Variants in BORCS8 observed in about 807,000 individuals in gnomAD.
BORCS8 encodes the protein BLOC-1 related complex subunit 8, also known as BLOC-1-related complex subunit 8.
A neutral mutation model predicts 18.7 loss-of-function variants in BORCS8; 13 were observed. The ratio of observed to expected loss-of-function variants is 0.70; its 90% CI spans 0.45 to 1.11. The LOEUF (loss-of-function observed/expected upper bound fraction) is 1.11. Among genes scored for constraint, BORCS8 ranks in the 50% least tolerant of loss-of-function variants. The pLI is 0.00. For missense variants in BORCS8, 165 were observed against 165.7 expected, an observed-to-expected ratio of 1.00 and a Z score of 0.02; for synonymous variants, 68 against 64.8, an observed-to-expected ratio of 1.05 and a Z score of -0.24.
chr19:19,185,696 TA>T (rs904012605), intron 3 of BORCS8, among the ~76,000 whole-genome samples: 4 of 152,118 alleles, frequency 2.6e-5, no homozygotes, highest in African/African-American at 9.7e-5. Context: ...AAAAAAAATT[TA>T]AAAATAAACA....
chr19:19,182,383 C>G lies in BORCS8; in HGVS notation c.326+190G>C. ...GCCCAGGGCCAGGCACACAGCAGAGCGCAGGACCTCGGTATTAAGTGACTG... is the reference window on the plus strand; with the variant it reads ...GCCCAGGGCCAGGCACACAGCAGAGGGCAGGACCTCGGTATTAAGTGACTG... On this transcript the variant is annotated intron_variant, in intron 4 of 5. Coordinates refer to ENST00000462790, the MANE Select transcript of BORCS8 (RefSeq NM_001145784.2). The surrounding 1 kb of genome is among the most constrained non-coding windows in gnomAD (Gnocchi z 4.1). The G allele has an allele frequency of 4.3e-6, 6 of 1,385,052 alleles. No homozygotes were observed. Among genetic ancestry groups the G allele is most frequent in the Non-Finnish European group, 5.6e-6 (6 of 1,065,136 alleles). The allele number at this position is 1,385,052 out of a possible 1,614,324, so 85.8% of individuals were successfully genotyped here.
chr19:19,180,676 C>G lies in BORCS8; in HGVS notation c.*42+10G>C. The G allele has an allele frequency of 6.5e-7, 1 of 1,527,290 alleles. No homozygotes were observed. 94.6% of individuals were successfully genotyped at this position (1,527,290 alleles called of 1,614,324 possible). Reference sequence around the variant, plus strand: ...AGAGAGAGAGGCTCGTGGCTACCCTCGGCACTGACCTGGGTTGGCGGAGGC... The same window carrying G: ...AGAGAGAGAGGCTCGTGGCTACCCTGGGCACTGACCTGGGTTGGCGGAGGC... On this transcript the variant is annotated intron_variant, in intron 5 of 5. Transcript: ENST00000462790.
chr19:19,182,317 G>T lies in BORCS8; in HGVS notation c.326+256C>A. ...ACCTGGTTGTCGTATGTCTCCTTGT[G>T]AGCCTGTCTGTCTCGGTCACTGCTA... On this transcript the variant is annotated intron_variant, in intron 4 of 5. Coordinates refer to ENST00000462790, the MANE Select transcript of BORCS8 (RefSeq NM_001145784.2). The surrounding 1 kb of genome is among the most constrained non-coding windows in gnomAD (Gnocchi z 4.1). 1 of 870,674 alleles carries T rather than the reference G, an allele frequency of 1.1e-6. No individual in the cohort carries two copies. Among genetic ancestry groups the T allele is most frequent in the Non-Finnish European group, 1.5e-6 (1 of 647,448 alleles). 53.9% of individuals were successfully genotyped at this position (870,674 alleles called of 1,614,324 possible). A position where few individuals can be genotyped will look rare whatever the true frequency, so the allele number is the denominator to read the frequency against.
chr19:19,189,545 C>G (rs2146432480), intron 1 of BORCS8, among the ~76,000 whole-genome samples: 1 of 152,290 alleles, frequency 6.6e-6, no homozygotes, highest in East Asian at 1.9e-4. Context: ...GCCCTCCACC[C>G]CTGGCTCTTC....
rs2146415549 is a variant in BORCS8, at chr19:19,182,458, G to C, written c.326+115C>G. On this transcript the variant is annotated intron_variant, in intron 4 of 5. Transcript: ENST00000462790. This position sits in a 1 kb window ranked among gnomAD's most constrained non-coding sequence, Gnocchi z 4.1. ...ACAAGAGGAGGTCACCAGACACCAG[G>C]ACAAAAGGAAAGAGACAGTTTTCTA... 6.9e-7 allele frequency: 1 copy of C among 1,456,328 alleles called. No individual in the cohort carries two copies. The highest frequency in any genetic ancestry group is 1.4e-5 in the South Asian group (1 of 72,780). The allele number at this position is 1,456,328 out of a possible 1,614,324, so 90.2% of individuals were successfully genotyped here.
chr19:19,181,121 A>C (rs1172954253), intron 4 of BORCS8, among the ~76,000 whole-genome samples: 2 of 151,532 alleles, frequency 1.3e-5, no homozygotes, highest in Non-Finnish European at 2.9e-5. Context: ...CTTGGAACCC[A>C]GAGAGGGAGG....
chr19:19,185,638 A>G (rs1412440040), intron 3 of BORCS8, among the ~76,000 whole-genome samples: 2 of 152,204 alleles, frequency 1.3e-5, no homozygotes, highest in African/African-American at 4.8e-5. Context: ...GTGAACTGAG[A>G]TCATGCCACT....
intron 1 of BORCS8, among the ~76,000 whole-genome samples, chr19:19,190,898 C>T (rs976328669): frequency 1.1e-4 from 17 of 152,092 alleles, no homozygotes; most frequent in African/African-American, 4.1e-4. Flanking sequence ...TGGATTCAAC[C>T]AACCGTGGAT....
Position 19,182,646 on chromosome 19 carries a change from G to A in BORCS8, c.253C>T (p.Arg85Cys), listed in dbSNP as rs759539467. The stretch of plus-strand genomic sequence containing the variant: ...TGTTTGAGCAGACCCTCCACGCTGC[G>A]GAAGTAGACGCTGCTGTCCACCAGG... Reference protein sequence around the residue: ...KNLVDSSVYFRSVEGLLKQAI... With the variant: ...KNLVDSSVYFCSVEGLLKQAI... Residue 85 changes from arginine (R) to cysteine (C), a missense_variant, in exon 4 of 6, where the codon CGC becomes TGC. By Grantham distance (180) the Arg-to-Cys change is radical. Coordinates refer to ENST00000462790, the MANE Select transcript of BORCS8 (RefSeq NM_001145784.2). This position sits in a 1 kb window ranked among gnomAD's most constrained non-coding sequence, Gnocchi z 4.1. The A allele has an allele frequency of 1.3e-6, 2 of 1,551,200 alleles. No homozygotes were observed. Among genetic ancestry groups the A allele is most frequent in the South Asian group, 1.2e-5 (1 of 84,036 alleles).
Position 19,192,078 on chromosome 19 carries a change from C to G in BORCS8, c.37+3G>C, listed in dbSNP as rs1303751924. ...CTCTGTCCCGCCCGCAGGCCCGCAC[C>G]ACCTTTCTTCCCCTTGAGCTGCATC... On this transcript the variant is annotated splice_donor_region_variant and intron_variant, in intron 1 of 5. Coordinates refer to ENST00000462790, the MANE Select transcript of BORCS8 (RefSeq NM_001145784.2). The G allele has an allele frequency of 1.1e-5, 17 of 1,551,512 alleles. No homozygotes were observed. Among genetic ancestry groups the G allele is most frequent in the African/African-American group, 1.4e-5 (1 of 73,166 alleles).
In BORCS8 at chr19:19,186,973, G is replaced by A; in HGVS notation, c.70C>T (p.Leu24=). 1.3e-6 allele frequency: 2 copies of A among 1,551,426 alleles called. No individual in the cohort carries two copies. Among genetic ancestry groups the A allele is most frequent in the Non-Finnish European group, 1.7e-6 (2 of 1,146,902 alleles). The part of the protein sequence containing the change: ...TDKFTESVYV[L]ANEPSVALYR... ...AGGGCCACGGATGGCTCGTTGGCCA[G>A]GACGTAGACGCTCTCAGTGAACTTG... The change falls in exon 2 of 6, where the codon CTG becomes TTG. Residue 24 remains leucine, a synonymous_variant. Transcript: ENST00000462790.
chr19:19,182,445 C>T lies in BORCS8; in HGVS notation c.326+128G>A, dbSNP rs149862870. 1 of 1,444,630 alleles carries T rather than the reference C, an allele frequency of 6.9e-7. No individual in the cohort carries two copies. Among genetic ancestry groups the T allele is most frequent in the East Asian group, 2.5e-5 (1 of 39,420 alleles). 89.5% of individuals were successfully genotyped at this position (1,444,630 alleles called of 1,614,324 possible). A position where few individuals can be genotyped will look rare whatever the true frequency, so the allele number is the denominator to read the frequency against. On this transcript the variant is annotated intron_variant, in intron 4 of 5. Transcript: ENST00000462790. The surrounding 1 kb of genome is among the most constrained non-coding windows in gnomAD (Gnocchi z 4.1). The stretch of plus-strand genomic sequence containing the variant: ...TAGATGCCACAGGACAAGAGGAGGT[C>T]ACCAGACACCAGGACAAAAGGAAAG...
chr19:19,191,043 T>C (rs1341437777), intron 1 of BORCS8, among the ~76,000 whole-genome samples: 1 of 152,066 alleles, frequency 6.6e-6, no homozygotes, highest in Non-Finnish European at 1.5e-5. Context: ...ATGTGAGTAA[T>C]CTAGGGTGAT....
intron 5 of BORCS8, chr19:19,178,033 G>T (rs1435124345): frequency 1.3e-5 from 2 of 152,360 alleles, no homozygotes; most frequent in Non-Finnish European, 2.9e-5. Context: ...ACAGGTGCCC[G>T]CCATCACACC....
chr19:19,192,102 T>C lies in BORCS8; in HGVS notation c.16A>G (p.Met6Val). MEEPE[M>V]QLKGKKVTDK... Reference sequence around the variant, plus strand: ...CCACCTTTCTTCCCCTTGAGCTGCATCTCCGGCTCCTCCATAGCGACCGCG... The same window carrying C: ...CCACCTTTCTTCCCCTTGAGCTGCACCTCCGGCTCCTCCATAGCGACCGCG... The change falls in exon 1 of 6, where the codon ATG becomes GTG. Residue 6 changes from methionine to valine, a missense_variant. Coordinates refer to ENST00000462790, the MANE Select transcript of BORCS8 (RefSeq NM_001145784.2). 1 of 1,551,406 alleles carries C rather than the reference T, an allele frequency of 6.4e-7. No homozygotes were observed. The highest frequency in any genetic ancestry group is 1.2e-5 in the South Asian group (1 of 84,054).
rs569835435 is a variant in BORCS8 at position 19,180,048 on chromosome 19, G to A, written c.*42+638C>T. 3.9e-5 allele frequency: 6 copies of A among 154,266 alleles called. 1 individual carries two copies. The South Asian group carries it at 1.0e-3, about 26-fold the overall frequency. 9.6% of individuals were successfully genotyped at this position (154,266 alleles called of 1,614,324 possible). A position where few individuals can be genotyped will look rare whatever the true frequency, so the allele number is the denominator to read the frequency against. ...GGGACAGCAGCAGAACCACCCAGCTGAGCCCAGCCCAAAGTGCAGAATCAT... is the reference window on the plus strand; with the variant it reads ...GGGACAGCAGCAGAACCACCCAGCTAAGCCCAGCCCAAAGTGCAGAATCAT... On this transcript the variant is annotated intron_variant, in intron 5 of 5. Coordinates refer to ENST00000462790, the MANE Select transcript of BORCS8 (RefSeq NM_001145784.2).
At chr19:19,191,826 C>T (rs1217803582) in intron 1 of BORCS8, among the ~76,000 whole-genome samples, 2 of 152,214 alleles carry the variant, frequency 1.3e-5, no homozygotes, top group Non-Finnish European at 2.9e-5. Flanking sequence ...CCGCCTAGGC[C>T]TCCCAAAGTG....
At chr19:19,181,879 G>A in intron 4 of BORCS8, 2 of 985,456 alleles carry the variant, frequency 2.0e-6, no homozygotes, top group Non-Finnish European at 2.4e-6. Flanking sequence ...ACATGAGTGT[G>A]TGTTCATAAG....
rs2060356742 is a variant in BORCS8, at chr19:19,182,272, T to A, written c.326+301A>T. ...AGTGTTCTTCACAGCGCATCTGACA[T>A]GCTCTTGTCTGCCATGTTTACCTGG... On this transcript the variant is annotated intron_variant, in intron 4 of 5. Transcript: ENST00000462790. This position sits in a 1 kb window ranked among gnomAD's most constrained non-coding sequence, Gnocchi z 4.1. The A allele has an allele frequency of 1.8e-6, 1 of 558,780 alleles. No homozygotes were observed. Among genetic ancestry groups the A allele is most frequent in the African/African-American group, 1.9e-5 (1 of 51,808 alleles). The allele number at this position is 558,780 out of a possible 1,614,324, so 34.6% of individuals were successfully genotyped here.
Sources: allele counts gnomAD v4.1 joint callset (sites outside exome capture counted in the v4.1 genomes callset), GRCh38; gene constraint gnomAD v4.1.1; non-coding constraint Gnocchi (gnomAD v3.1); transcripts MANE v1.5; gene names NCBI Gene and HGNC (gene_info 2026-07-23, HGNC 2026-07-21).